KIF2C: variants seen among roughly 807,000 people sequenced by gnomAD.
KIF2C encodes kinesin family member 2C.
Under a neutral mutation model 97.4 loss-of-function variants are expected in KIF2C, and 34 were observed. The observed-to-expected ratio is 0.35, with a 90% CI of 0.27 to 0.46. The LOEUF (loss-of-function observed/expected upper bound fraction) is 0.46, where lower values mean the gene tolerates loss of function less well. KIF2C is among the 20% of genes least tolerant of loss of function. The pLI is 1.00. For synonymous variants in KIF2C, 313 were observed against 318.2 expected, an observed-to-expected ratio of 0.98 and a Z score of 0.17; for missense variants, 750 against 907.6, an observed-to-expected ratio of 0.83 and a Z score of 2.23.
chr1:44,753,368 G>T, intron 6 of KIF2C, 114 bp downstream of exon 6: 1 of 1,204,792 alleles, frequency 8.3e-7, no homozygotes, highest in East Asian at 2.6e-5. Flanking sequence ...TTGTCACGTG[G>T]GGGCATGTTT....
rs1013641424 is a variant in KIF2C at position 44,753,720 on chromosome 1, T to A, written c.563-13T>A. On this transcript the variant is annotated splice_polypyrimidine_tract_variant and intron_variant, in intron 6 of 20. Transcript: ENST00000372224. ...GCTTCCTTTTTTTTTCTTTTTTTTTTATGTTTTCATAGTTCGGAGGAAATC... is the reference window on the plus strand; with the variant it reads ...GCTTCCTTTTTTTTTCTTTTTTTTTAATGTTTTCATAGTTCGGAGGAAATC... 9.7e-6 allele frequency: 15 copies of A among 1,551,226 alleles called. No homozygotes were observed. In the Middle Eastern group the frequency reaches 8.6e-4, roughly 88 times the overall value.
At chr1:44,741,940 G>C (rs1648953172) in intron 2 of KIF2C, among the ~76,000 whole-genome samples, 1 of 141,918 alleles carries the variant, frequency 7.0e-6, no homozygotes, top group Non-Finnish European at 1.5e-5. Flanking sequence ...GTTTCAGTGA[G>C]CTGAAATTGC....
intron 19 of KIF2C, among the ~76,000 whole-genome samples, chr1:44,764,207 C>T (rs1650324424): frequency 6.6e-6 from 1 of 152,164 alleles, no homozygotes; most frequent in African/African-American, 2.4e-5. Flanking sequence ...GACAGAGTCT[C>T]ACTCGTCACC....
intron 2 of KIF2C, among the ~76,000 whole-genome samples, chr1:44,745,564 C>T (rs950391361): frequency 1.4e-5 from 2 of 146,810 alleles, no homozygotes; most frequent in African/African-American, 2.5e-5. Flanking sequence ...ACCTCCGCCT[C>T]CCGGGTTCAA....
At chr1:44,754,484 T>G (rs1262125532) in intron 7 of KIF2C, among the ~76,000 whole-genome samples, 1 of 152,124 alleles carries the variant, frequency 6.6e-6, no homozygotes. Context: ...TTGGGTTCAT[T>G]GCTTCTGGGA....
intron 19 of KIF2C, among the ~76,000 whole-genome samples, chr1:44,763,890 G>A (rs1280744506): frequency 1.3e-5 from 2 of 152,026 alleles, no homozygotes; most frequent in African/African-American, 2.4e-5. Flanking sequence ...AAAATTAGCC[G>A]AGTATGGTGG....
intron 19 of KIF2C, among the ~76,000 whole-genome samples, chr1:44,765,173 C>T (rs1468608332): frequency 6.6e-6 from 1 of 152,002 alleles, no homozygotes; most frequent in African/African-American, 2.4e-5. Context: ...CCTGTAATCC[C>T]AACACTTTGG....
chr1:44,757,759 A>G, intron 11 of KIF2C, 113 bp downstream of exon 11: 2 of 1,087,798 alleles, frequency 1.8e-6, no homozygotes, highest in East Asian at 4.7e-5. Context: ...ATGCCCCATC[A>G]CCAGATAGCC....
chr1:44,740,186 G>T, intron 1 of KIF2C, 184 bp downstream of exon 1: 4 of 719,672 alleles, frequency 5.6e-6, no homozygotes, highest in Non-Finnish European at 9.8e-6. Context: ...GAGAGTCCCT[G>T]CGCTGTACGT....
chr1:44,741,826 C>CA (rs1648949069), intron 2 of KIF2C, among the ~76,000 whole-genome samples: 1 of 151,606 alleles, frequency 6.6e-6, no homozygotes, highest in African/African-American at 2.4e-5. Context: ...CTCATTTCTA[C>CA]AAAAAATACA....
At position 44,753,723 on chromosome 1, in the gene KIF2C, G is replaced by A. The variant is rs759561556; in HGVS notation, c.563-10G>A. On this transcript the variant is annotated splice_polypyrimidine_tract_variant and intron_variant, in intron 6 of 20. Transcript: ENST00000372224. ...TCCTTTTTTTTTCTTTTTTTTTTAT[G>A]TTTTCATAGTTCGGAGGAAATCATG... 6.6e-7 allele frequency: 1 copy of A among 1,516,370 alleles called. No individual in the cohort carries two copies. The highest frequency in any genetic ancestry group is 2.1e-5 in the Admixed American group (1 of 48,362). The allele number at this position is 1,516,370 out of a possible 1,614,324, so 93.9% of individuals were successfully genotyped here.
chr1:44,760,727 A>G lies in KIF2C; in HGVS notation c.1683+25A>G, dbSNP rs1425881297. 1.3e-6 allele frequency: 2 copies of G among 1,566,958 alleles called. No homozygotes were observed. The highest frequency in any genetic ancestry group is 1.7e-5 in the Admixed American group (1 of 59,766). Reference sequence around the variant, plus strand: ...GGTGAGTAGGGTCACTTTGAAGGTGATGGTACAGGAGGAGACAGAGTTGCT... The same window carrying G: ...GGTGAGTAGGGTCACTTTGAAGGTGGTGGTACAGGAGGAGACAGAGTTGCT... On this transcript the variant is annotated intron_variant, in intron 16 of 20. Transcript: ENST00000372224. This position sits in a 1 kb window ranked among gnomAD's most constrained non-coding sequence, Gnocchi z 4.2.
chr1:44,753,966 T>C, intron 7 of KIF2C, 133 bp downstream of exon 7: 1 of 405,726 alleles, frequency 2.5e-6, no homozygotes, highest in Non-Finnish European at 4.3e-6. Context: ...TTCTTTTTTT[T>C]TTTTTTTTTT....
intron 19 of KIF2C, 106 bp from the exon 20 acceptor site, chr1:44,766,720 C>T: frequency 5.5e-6 from 7 of 1,263,284 alleles, no homozygotes; most frequent in Non-Finnish European, 7.8e-6. Flanking sequence ...GGGTCAGGGA[C>T]CAGAGGTAAA....
At chr1:44,763,028 G>A (rs1007005473) in intron 19 of KIF2C, among the ~76,000 whole-genome samples, 1 of 152,178 alleles carries the variant, frequency 6.6e-6, no homozygotes, top group Admixed American at 6.6e-5. Flanking sequence ...TAGGTAATAG[G>A]CCCTAAGGGT....
chr1:44,749,555 C>T (rs2148824529), intron 4 of KIF2C, among the ~76,000 whole-genome samples: 1 of 152,058 alleles, frequency 6.6e-6, no homozygotes, highest in African/African-American at 2.4e-5. Context: ...AGTTTGAGAC[C>T]AGCCTGGGCA....
chr1:44,758,935 T>A, intron 13 of KIF2C: 1 of 447,212 alleles, frequency 2.2e-6, no homozygotes, highest in Non-Finnish European at 4.1e-6. Flanking sequence ...ACTACCTGTC[T>A]CACCTTTACA....
At chr1:44,747,807 G>A (rs1286705461) in intron 4 of KIF2C, 107 bp downstream of exon 4, 5 of 891,832 alleles carry the variant, frequency 5.6e-6, no homozygotes, top group African/African-American at 3.4e-5. Context: ...TTCTATGTGG[G>A]TTGAGTCCTG....
At chr1:44,741,531 A>G (rs535029581) in intron 2 of KIF2C, among the ~76,000 whole-genome samples, 33 of 152,124 alleles carry the variant, frequency 2.2e-4, no homozygotes, top group African/African-American at 8.0e-4. Context: ...CAAAAAAATT[A>G]AAAATTATCA....
Sources: allele counts gnomAD v4.1 joint callset (sites outside exome capture counted in the v4.1 genomes callset), GRCh38; gene constraint gnomAD v4.1.1; non-coding constraint Gnocchi (gnomAD v3.1); transcripts MANE v1.5; gene names NCBI Gene and HGNC (gene_info 2026-07-23, HGNC 2026-07-21).